The following SOD2 variants were observed in gnomAD, a reference collection of about 807,000 sequenced individuals.
SOD2 encodes the protein superoxide dismutase 2.
SOD2 carries 11 observed loss-of-function variants against 27.0 expected under a neutral mutation model. The ratio of observed to expected loss-of-function variants is 0.41; its 90% confidence interval spans 0.26 to 0.67. The LOEUF is 0.67. Ranked by LOEUF, SOD2 falls within the 30% of genes least tolerant of loss-of-function variation. The pLI, the probability that SOD2 is intolerant of heterozygous loss-of-function variation, is 0.34. For missense variants in SOD2, 250 were observed against 274.5 expected (o/e 0.91, Z 0.63); for synonymous variants, 105 against 103.0 (o/e 1.02, Z -0.12).
At chr6:159,733,447 T>A (rs1778711484) in intron 1 of SOD2, among the ~76,000 whole-genome samples, 1 of 121,992 alleles carries the variant, frequency 8.2e-6, no homozygotes, top group African/African-American at 3.1e-5. Flanking sequence ...CGAAACCCTG[T>A]CTCTACCAAA....
chr6:159,704,653 G>A (rs1315123350), intron 1 of SOD2, among the ~76,000 whole-genome samples: 1 of 152,220 alleles, frequency 6.6e-6, no homozygotes, highest in Non-Finnish European at 1.5e-5. Context: ...GGAGCCCACT[G>A]CAGCTCAAGG....
chr6:159,745,621 G>A (rs569514679), upstream of SOD2, among the ~76,000 whole-genome samples: 1 of 152,232 alleles, frequency 6.6e-6, no homozygotes, highest in South Asian at 2.1e-4. Flanking sequence ...GAAAAAAGAT[G>A]AGGTCAGCCT....
At chr6:159,728,464 C>G (rs867685517), upstream of SOD2, among the ~76,000 whole-genome samples, 1 of 152,208 alleles carries the variant, frequency 6.6e-6, no homozygotes, top group East Asian at 1.9e-4. Context: ...TAGGGAAATA[C>G]TTCTATGAGT....
exon 1 of SOD2, chr6:159,727,139 G>A: frequency 8.4e-7 from 1 of 1,193,982 alleles, no homozygotes; most frequent in Non-Finnish European, 1.1e-6. Flanking sequence ...TGAGCTTGCT[G>A]AGCTCCGGGG....
chr6:159,682,451 C>T lies in SOD2; in HGVS notation c.*42G>A, dbSNP rs142961730. 1.1e-4 allele frequency: 169 copies of T among 1,587,168 alleles called. No individual in the cohort carries two copies. The African/African-American group carries it at 2.0e-3, about 19-fold the overall frequency. ...GCAGTACTCTATACCACTACAAAAACAGTCATAAAGAGCTTAACATACTCA... is the reference window on the plus strand; with the variant it reads ...GCAGTACTCTATACCACTACAAAAATAGTCATAAAGAGCTTAACATACTCA... On this transcript the variant is annotated 3_prime_UTR_variant, in exon 5 of 5. Coordinates refer to ENST00000538183, the MANE Select transcript of SOD2 (RefSeq NM_000636.4).
chr6:159,716,063 G>A (rs1328248385), intron 1 of SOD2, among the ~76,000 whole-genome samples: 19 of 152,176 alleles, frequency 1.2e-4, no homozygotes, highest in African/African-American at 4.3e-4. Flanking sequence ...ACATCATAAT[G>A]TAAAAACAAC....
chr6:159,721,973 C>T (rs1179934718), intron 1 of SOD2, among the ~76,000 whole-genome samples: 1 of 151,694 alleles, frequency 6.6e-6, no homozygotes, highest in East Asian at 1.9e-4. Flanking sequence ...TGGTTATTGT[C>T]TAATTCTATA....
In SOD2 at chr6:159,673,505, C is replaced by A. The variant is rs1057079054; in HGVS notation, c.*8988G>T. 1 of 152,020 alleles carries A rather than the reference C, an allele frequency of 6.6e-6. No individual in the cohort carries two copies. Among genetic ancestry groups the A allele is most frequent in the Non-Finnish European group, 1.5e-5 (1 of 68,002 alleles). 9.4% of individuals were successfully genotyped at this position (152,020 alleles called of 1,614,324 possible). The stretch of plus-strand genomic sequence containing the variant: ...CCTGCTCCTGAATGACTACTGGGTA[C>A]ATAACAAAATGAAGGCAGAAATAAA... On this transcript the variant is annotated 3_prime_UTR_variant, in exon 5 of 5. Transcript: ENST00000538183.
intron 1 of SOD2, chr6:159,713,320 A>T (rs555437277): frequency 1.5e-6 from 1 of 655,826 alleles, no homozygotes; most frequent in South Asian, 1.9e-5. Flanking sequence ...TTTCAAACCC[A>T]GCTCCTCTGC....
At chr6:159,723,726 G>A (rs1313189082) in intron 1 of SOD2, among the ~76,000 whole-genome samples, 1 of 151,628 alleles carries the variant, frequency 6.6e-6, no homozygotes, top group Admixed American at 6.6e-5. Flanking sequence ...GTGCTTCTAG[G>A]CCCTTTCAGT....
At chr6:159,691,473 A>T (rs939158068) in intron 2 of SOD2, 1 of 152,210 alleles carries the variant, frequency 6.6e-6, no homozygotes, top group African/African-American at 2.4e-5. Flanking sequence ...TTACTCAACA[A>T]ATTTCATAAC....
chr6:159,743,562 A>T, intron 1 of SOD2: 1 of 1,141,696 alleles, frequency 8.8e-7, no homozygotes, highest in Non-Finnish European at 1.2e-6. Context: ...GATGGAAACT[A>T]AAGACTTGAT....
At chr6:159,702,528 CAGA>C (rs1181878691) in intron 1 of SOD2, among the ~76,000 whole-genome samples, 1 of 151,424 alleles carries the variant, frequency 6.6e-6, no homozygotes, top group African/African-American at 2.4e-5. Flanking sequence ...CTCCCAACCT[CAGA>C]CAATCTGCCC....
At chr6:159,715,008 GTCT>G (rs1193368051) in intron 1 of SOD2, among the ~76,000 whole-genome samples, 4 of 151,846 alleles carry the variant, frequency 2.6e-5, no homozygotes, top group African/African-American at 7.3e-5. Flanking sequence ...TTGCCTTTCA[GTCT>G]TCTTCTGCTT....
upstream of SOD2, among the ~76,000 whole-genome samples, chr6:159,746,981 T>C (rs1779613642): frequency 6.6e-6 from 1 of 152,202 alleles, no homozygotes; most frequent in Admixed American, 6.5e-5. Flanking sequence ...CATGGTTTAT[T>C]CTCGCTCTGT....
intron 1 of SOD2, chr6:159,726,127 A>ATAAGAAT (rs1216274968): frequency 6.6e-6 from 1 of 152,524 alleles, no homozygotes; most frequent in East Asian, 1.9e-4. Flanking sequence ...AAGAATAAAC[A>ATAAGAAT]CAAGTAATTT....
upstream of SOD2, chr6:159,748,657 T>C: frequency 7.9e-7 from 1 of 1,264,412 alleles, no homozygotes; most frequent in Non-Finnish European, 9.9e-7. This position sits in a 1 kb window ranked among gnomAD's most constrained non-coding sequence, Gnocchi z 5.6. Context: ...CTAGAACATG[T>C]AGACACTTGA....
chr6:159,737,207 C>A (rs1414349754), intron 1 of SOD2, among the ~76,000 whole-genome samples: 1 of 152,090 alleles, frequency 6.6e-6, no homozygotes, highest in Non-Finnish European at 1.5e-5. Context: ...TGCCACCACG[C>A]CCAGCTAATT....
At chr6:159,690,744 C>T (rs1482546849) in intron 2 of SOD2, among the ~76,000 whole-genome samples, 1 of 152,042 alleles carries the variant, frequency 6.6e-6, no homozygotes, top group Non-Finnish European at 1.5e-5. Context: ...GGGAAAGATA[C>T]ATGCTTAATG....
Sources: gnomAD v4.1 joint callset for allele counts (sites outside exome capture counted in the v4.1 genomes callset) on GRCh38, gnomAD v4.1.1 for gene constraint, Gnocchi (gnomAD v3.1) non-coding constraint, MANE v1.5 for transcripts, NCBI Gene and HGNC (gene_info 2026-07-23, HGNC 2026-07-21) for gene names.